The following GRM5 variants were observed in gnomAD, a reference collection of about 807,000 sequenced individuals.
GRM5 encodes the protein glutamate metabotropic receptor 5, also known as metabotropic glutamate receptor 5.
In GRM5, 19 loss-of-function variants were observed where a neutral mutation model predicts 83.1. The ratio of observed to expected loss-of-function variants is 0.23; its 90% confidence interval spans 0.16 to 0.34. The LOEUF is 0.34. Among genes scored for constraint, GRM5 ranks in the 10% least tolerant of loss-of-function variants. The pLI, the probability that GRM5 is intolerant of heterozygous loss-of-function variation, is 1.00. For synonymous variants in GRM5, 675 were observed against 633.6 expected, an observed-to-expected ratio of 1.07 and a Z score of -0.98; for missense variants, 1,160 against 1,588.3, an observed-to-expected ratio of 0.73 and a Z score of 4.58.
chr11:88,845,725 G>GCCCCCCC (rs66888159), intron 3 of GRM5, among the ~76,000 whole-genome samples: 6 of 147,442 alleles, frequency 4.1e-5, no homozygotes, highest in African/African-American at 1.6e-4. Context: ...GAACCACCGC[G>GCCCCCCC]CCCCCCCCCA....
In GRM5 at chr11:88,507,358, A is replaced by C. The variant is rs913768369; in HGVS notation, c.*1234T>G. On this transcript the variant is annotated 3_prime_UTR_variant, in exon 10 of 10. Transcript: ENST00000305447. ...GAAAAATCTACATTTGTCATAGTTCATAGCTGCCCTGTTTAAGCAGCCAAG... is the reference window on the plus strand; with the variant it reads ...GAAAAATCTACATTTGTCATAGTTCCTAGCTGCCCTGTTTAAGCAGCCAAG... 2.6e-5 allele frequency: 4 copies of C among 152,204 alleles called. No individual in the cohort carries two copies. Among genetic ancestry groups the C allele is most frequent in the Admixed American group, 6.5e-5 (1 of 15,284 alleles). The allele number at this position is 152,204 out of a possible 1,614,324, so 9.4% of individuals were successfully genotyped here.
intron 3 of GRM5, among the ~76,000 whole-genome samples, chr11:88,736,818 C>A (rs559415962): frequency 6.6e-6 from 1 of 152,088 alleles, no homozygotes; most frequent in Admixed American, 6.6e-5. Context: ...ATACTAGGGA[C>A]ACTGAACTGT....
intron 2 of GRM5, among the ~76,000 whole-genome samples, chr11:88,912,622 G>A (rs1161851234): frequency 6.6e-6 from 1 of 152,104 alleles, no homozygotes; most frequent in East Asian, 1.9e-4. Flanking sequence ...AAAAATGTCA[G>A]ATTTCTCCAT....
intron 2 of GRM5, among the ~76,000 whole-genome samples, chr11:88,999,342 T>G (rs12271932): frequency 0.043 from 6,485 of 152,048 alleles, 466 homozygotes; most frequent in African/African-American, 0.15. Flanking sequence ...CTACTCATCT[T>G]ACAAAGGGCT....
chr11:88,980,807 A>G (rs1214339785), intron 2 of GRM5, among the ~76,000 whole-genome samples: 1 of 152,166 alleles, frequency 6.6e-6, no homozygotes, highest in Non-Finnish European at 1.5e-5. Flanking sequence ...TGGGCAACAC[A>G]GTGAGACTCT....
intron 2 of GRM5, among the ~76,000 whole-genome samples, chr11:88,909,046 T>A (rs918925396): frequency 3.9e-5 from 6 of 152,054 alleles, no homozygotes; most frequent in Admixed American, 3.9e-4. Context: ...AGACGTTGAG[T>A]CCAAATTTAT....
intron 2 of GRM5, among the ~76,000 whole-genome samples, chr11:88,957,031 T>C (rs1474830920): frequency 6.6e-6 from 1 of 152,182 alleles, no homozygotes. Flanking sequence ...GTAATAATAA[T>C]TGCAGTTCAA....
chr11:88,896,020 A>C (rs1945223462), intron 2 of GRM5, among the ~76,000 whole-genome samples: 1 of 151,978 alleles, frequency 6.6e-6, no homozygotes, highest in South Asian at 2.1e-4. Context: ...CTCCAGGCAA[A>C]GAAATGGACA....
intron 2 of GRM5, among the ~76,000 whole-genome samples, chr11:88,953,128 A>C (rs1346597948): frequency 6.6e-6 from 1 of 152,174 alleles, no homozygotes; most frequent in Non-Finnish European, 1.5e-5. Flanking sequence ...TCTAGATCAA[A>C]TTTATTGCAG....
intron 3 of GRM5, among the ~76,000 whole-genome samples, chr11:88,786,021 C>T (rs901269617): frequency 1.1e-4 from 16 of 152,142 alleles, no homozygotes; most frequent in African/African-American, 3.9e-4. Context: ...CAAGGGGAAG[C>T]ATACATTTTC....
At chr11:88,885,088 T>C (rs1945020478) in intron 2 of GRM5, among the ~76,000 whole-genome samples, 2 of 152,104 alleles carry the variant, frequency 1.3e-5, no homozygotes, top group African/African-American at 4.8e-5. Context: ...TATTTATATA[T>C]GTTTATAAAT....
chr11:88,686,271 G>A (rs970872867), intron 3 of GRM5, among the ~76,000 whole-genome samples: 10 of 152,104 alleles, frequency 6.6e-5, no homozygotes, highest in African/African-American at 1.9e-4. Context: ...AGTTGCATCG[G>A]CCCTGTAACC....
At chr11:88,627,059 A>T (rs1938818094) in intron 4 of GRM5, among the ~76,000 whole-genome samples, 1 of 152,232 alleles carries the variant, frequency 6.6e-6, no homozygotes, top group South Asian at 2.1e-4. Flanking sequence ...AATGCTTCAT[A>T]GGTACTATTC....
chr11:88,505,226 G>A lies in GRM5; in HGVS notation c.*3366C>T, dbSNP rs936848473. 6.6e-6 allele frequency: 1 copy of A among 152,204 alleles called. No homozygotes were observed. Among genetic ancestry groups the A allele is most frequent in the Non-Finnish European group, 1.5e-5 (1 of 68,030 alleles). The allele number at this position is 152,204 out of a possible 1,614,324, so 9.4% of individuals were successfully genotyped here. A position where few individuals can be genotyped will look rare whatever the true frequency, so the allele number is the denominator to read the frequency against. On this transcript the variant is annotated 3_prime_UTR_variant, in exon 10 of 10. Transcript: ENST00000305447. ...GTAACTATAGAGATTCTGACAGCTT[G>A]AGGGTTATTAATAAGCTGTTGCTAA...
chr11:88,991,147 T>C (rs930033493), intron 2 of GRM5, among the ~76,000 whole-genome samples: 2 of 152,148 alleles, frequency 1.3e-5, no homozygotes, highest in African/African-American at 4.8e-5. Flanking sequence ...CTTAAGCTGA[T>C]AAGCAACTTC....
At chr11:88,866,164 C>A (rs1944660213) in intron 2 of GRM5, among the ~76,000 whole-genome samples, 1 of 152,034 alleles carries the variant, frequency 6.6e-6, no homozygotes, top group South Asian at 2.1e-4. Context: ...AAATGTCCAT[C>A]AGTGATAGAC....
chr11:88,994,050 A>C (rs1281733131), intron 2 of GRM5, among the ~76,000 whole-genome samples: 4 of 152,138 alleles, frequency 2.6e-5, no homozygotes, highest in Non-Finnish European at 5.9e-5. Context: ...AGCAATATAC[A>C]AAAATCAGCA....
intron 2 of GRM5, among the ~76,000 whole-genome samples, chr11:88,979,539 G>A (rs1218677729): frequency 6.6e-6 from 1 of 152,178 alleles, no homozygotes; most frequent in Non-Finnish European, 1.5e-5. Context: ...ACTCTTTAGA[G>A]ATGTCTGATT....
chr11:88,722,563 C>A (rs1376654628), intron 3 of GRM5, among the ~76,000 whole-genome samples: 1 of 152,084 alleles, frequency 6.6e-6, no homozygotes, highest in Non-Finnish European at 1.5e-5. Flanking sequence ...GAGGGACTGG[C>A]ACAATCAATC....
Sources: gnomAD v4.1 joint callset for allele counts (sites outside exome capture counted in the v4.1 genomes callset) on GRCh38, gnomAD v4.1.1 for gene constraint, MANE v1.5 for transcripts, NCBI Gene and HGNC (gene_info 2026-07-23, HGNC 2026-07-21) for gene names.